PCLO: variants seen among roughly 807,000 people sequenced by gnomAD.
The protein encoded by PCLO is piccolo presynaptic cytomatrix protein, also known as protein piccolo.
In PCLO, 82 loss-of-function variants were observed where a neutral mutation model predicts 427.5. The observed-to-expected ratio is 0.19, with a 90% CI of 0.16 to 0.23. PCLO has a LOEUF of 0.23. PCLO is among the 10% of genes least tolerant of loss of function. The probability of loss-of-function intolerance (pLI) is 1.00; values close to 1 mark genes in which losing one functional copy is unlikely to be tolerated. For synonymous variants in PCLO, 2,357 were observed against 2,155.4 expected, an observed-to-expected ratio of 1.09 and a Z score of -2.59; for missense variants, 6,239 against 6,115.9, an observed-to-expected ratio of 1.02 and a Z score of -0.67.
intron 9 of PCLO, among the ~76,000 whole-genome samples, chr7:82,890,649 C>G (rs193033907): frequency 6.8e-5 from 10 of 146,302 alleles, no homozygotes; most frequent in African/African-American, 2.8e-4. Flanking sequence ...GTTGTAGTTG[C>G]TTTTTTAAAA....
chr7:82,940,659 T>C (rs1795060460), intron 6 of PCLO, among the ~76,000 whole-genome samples: 2 of 148,596 alleles, frequency 1.3e-5, no homozygotes, highest in Admixed American at 6.9e-5. Flanking sequence ...AAGCTTTTAT[T>C]TGCCATTTTA....
At position 82,955,403 on chromosome 7, in the gene PCLO, C is replaced by T. The variant is rs1161937862; in HGVS notation, c.5550G>A (p.Glu1850=). The T allele has an allele frequency of 1.2e-6, 2 of 1,613,752 alleles. No individual in the cohort carries two copies. Among genetic ancestry groups the T allele is most frequent in the Admixed American group, 1.7e-5 (1 of 60,016 alleles). The change falls in exon 5 of 25, where the codon GAG becomes GAA. Residue 1850 remains glutamate, a synonymous_variant. Coordinates refer to ENST00000333891, the MANE Select transcript of PCLO (RefSeq NM_033026.6). ...EELRQAAEME[E]LHRSSCSEYS... is the part of the protein sequence containing the mutation. Reference sequence around the variant, plus strand: ...ATTCAGAACAAGAAGATCTATGGAGCTCCTCCATTTCTGCAGCCTGACGTA... The same window carrying T: ...ATTCAGAACAAGAAGATCTATGGAGTTCCTCCATTTCTGCAGCCTGACGTA...
chr7:83,056,000 T>A (rs1789370148), intron 3 of PCLO, among the ~76,000 whole-genome samples: 1 of 152,144 alleles, frequency 6.6e-6, no homozygotes, highest in Admixed American at 6.5e-5. Context: ...GGGTGCAACC[T>A]AATTTTTTAT....
At chr7:82,797,005 G>A (rs1791237718) in intron 22 of PCLO, among the ~76,000 whole-genome samples, 1 of 151,862 alleles carries the variant, frequency 6.6e-6, no homozygotes, top group South Asian at 2.1e-4. Context: ...TTTGTGGAGT[G>A]AATTATTGGA....
intron 3 of PCLO, among the ~76,000 whole-genome samples, chr7:83,080,153 G>C (rs1039026686): frequency 5.9e-5 from 9 of 152,060 alleles, no homozygotes; most frequent in African/African-American, 1.7e-4. Flanking sequence ...CCTTGTCTTT[G>C]CTACTGTGAA....
intron 6 of PCLO, among the ~76,000 whole-genome samples, chr7:82,942,403 A>G (rs117789118): frequency 0.012 from 1,854 of 152,264 alleles, 18 homozygotes; most frequent in Non-Finnish European, 0.021. Flanking sequence ...GAATCATGTT[A>G]ATTTGCATAT....
chr7:83,162,599 G>A lies in PCLO; in HGVS notation c.-7C>T. 6.5e-7 allele frequency: 1 copy of A among 1,531,322 alleles called. No homozygotes were observed. 94.9% of individuals were successfully genotyped at this position (1,531,322 alleles called of 1,614,324 possible). A position where few individuals can be genotyped will look rare whatever the true frequency, so the allele number is the denominator to read the frequency against. On this transcript the variant is annotated 5_prime_UTR_variant, in exon 1 of 25. Coordinates refer to ENST00000333891, the MANE Select transcript of PCLO (RefSeq NM_033026.6). ...AGCTCGCCTCGTTGCCCATGGCTCA[G>A]GGAGACTCGGGGCCGCCGCGCTCCC...
At chr7:82,929,135 A>G (rs1794783641) in intron 6 of PCLO, among the ~76,000 whole-genome samples, 1 of 152,142 alleles carries the variant, frequency 6.6e-6, no homozygotes, top group African/African-American at 2.4e-5. Context: ...GAGAGAAGGA[A>G]AAGCTGATAA....
chr7:82,799,241 A>T (rs1245049100), intron 22 of PCLO, among the ~76,000 whole-genome samples: 1 of 152,224 alleles, frequency 6.6e-6, no homozygotes, highest in East Asian at 1.9e-4. Context: ...TGTATAGATG[A>T]TCATATTTGT....
intron 3 of PCLO, among the ~76,000 whole-genome samples, chr7:83,081,503 G>A (rs561018287): frequency 6.6e-6 from 1 of 151,820 alleles, no homozygotes; most frequent in South Asian, 2.1e-4. Flanking sequence ...TTGAAAATGA[G>A]GAAAAAATAT....
At position 82,822,023 on chromosome 7, in the gene PCLO, G is replaced by A. The variant is rs981424102; in HGVS notation, c.14791+472C>T. On this transcript the variant is annotated intron_variant, in intron 20 of 24. Coordinates refer to ENST00000333891, the MANE Select transcript of PCLO (RefSeq NM_033026.6). ...TTGACTGTTGGTTGCATTATCTTCT[G>A]CCTAGACTTTTTGAGTGTTTTCAGA... The A allele has an allele frequency of 5.0e-6, 5 of 991,272 alleles. No individual in the cohort carries two copies. The African/African-American group carries it at 7.0e-5, about 14-fold the overall frequency. The allele number at this position is 991,272 out of a possible 1,614,324, so 61.4% of individuals were successfully genotyped here. A position where few individuals can be genotyped will look rare whatever the true frequency, so the allele number is the denominator to read the frequency against.
At chr7:83,133,413 A>G (rs1051829876) in intron 3 of PCLO, among the ~76,000 whole-genome samples, 1 of 152,008 alleles carries the variant, frequency 6.6e-6, no homozygotes, top group African/African-American at 2.4e-5. Context: ...TTAACCCTCT[A>G]GTCTCCCATG....
At chr7:83,112,500 A>C (rs1791031469) in intron 3 of PCLO, among the ~76,000 whole-genome samples, 1 of 152,206 alleles carries the variant, frequency 6.6e-6, no homozygotes, top group Non-Finnish European at 1.5e-5. Context: ...ACTCATGTAA[A>C]TGTCAAGAAA....
chr7:82,897,309 A>AAACCATTGT (rs1793927282), intron 9 of PCLO, among the ~76,000 whole-genome samples: 1 of 151,578 alleles, frequency 6.6e-6, no homozygotes, highest in East Asian at 1.9e-4. Flanking sequence ...AGTACCTTCA[A>AAACCATTGT]AACCATTGTA....
rs993611343 is a variant in PCLO, at chr7:82,966,435, T to A, written c.3353A>T (p.Gln1118Leu). 6.2e-7 allele frequency: 1 copy of A among 1,601,340 alleles called. No individual in the cohort carries two copies. The highest frequency in any genetic ancestry group is 1.8e-5 in the Admixed American group (1 of 56,484). ...NCQTQRAISG[Q>L]LGDIRKMPPA... The stretch of plus-strand genomic sequence containing the variant: ...TGGCATTTTGCGTATGTCTCCAAGC[T>A]GTCCTGATATTGCTCTCTGGGTTTG... The change falls in exon 4 of 25, where the codon CAG (glutamine) becomes CTG (leucine). Residue 1118 changes from glutamine to leucine, a missense_variant. Gln to Leu is a moderately radical substitution (Grantham distance 113). Around this residue, in one of 5 missense-constraint regions of PCLO, gnomAD observed 4,677 missense variants for 4,468.4 expected, o/e 1.05. Coordinates refer to ENST00000333891, the MANE Select transcript of PCLO (RefSeq NM_033026.6).
At chr7:83,146,633 G>A (rs980341720) in intron 2 of PCLO, among the ~76,000 whole-genome samples, 17 of 145,518 alleles carry the variant, frequency 1.2e-4, no homozygotes, top group Non-Finnish European at 1.8e-4. Context: ...TTTCACTCTC[G>A]TCACCCAGGG....
chr7:83,139,079 A>C (rs538452939), intron 2 of PCLO, among the ~76,000 whole-genome samples: 1 of 152,222 alleles, frequency 6.6e-6, no homozygotes, highest in Admixed American at 6.5e-5. Context: ...AGATGGCGGA[A>C]TTAAAGCCTC....
intron 10 of PCLO, among the ~76,000 whole-genome samples, chr7:82,878,975 C>A (rs1459980059): frequency 6.6e-6 from 1 of 152,094 alleles, no homozygotes; most frequent in African/African-American, 2.4e-5. Context: ...TGTACTGGAT[C>A]ATTTGATTTT....
rs575536715 is a variant in PCLO at position 83,072,364 on chromosome 7, CTTT to C, written c.3300+61883_3300+61885del. Among the ~76,000 whole-genome samples the C allele has an allele frequency of 4.0e-3, 611 of 152,032 alleles. 5 individuals carry two copies. Among genetic ancestry groups the C allele is most frequent in the African/African-American group, 0.014 (569 of 41,528 alleles). On this transcript the variant is annotated intron_variant, in intron 3 of 24. Transcript: ENST00000333891. ...CTAACAAAATTAGAATAAAAAAGTC[CTTT>C]TTTATTTAAAAAATAATATTATCCA... is the stretch of plus-strand genomic sequence containing the variant.
Sources: gnomAD v4.1 joint callset for allele counts (sites outside exome capture counted in the v4.1 genomes callset) on GRCh38, gnomAD v4.1.1 for gene constraint, gnomAD v4.1.1 regional missense constraint, MANE v1.5 for transcripts, NCBI Gene and HGNC (gene_info 2026-07-23, HGNC 2026-07-21) for gene names.